Variants in CYP7B1 observed in about 807,000 individuals in gnomAD.
CYP7B1 encodes the protein cytochrome P450 7B1.
In CYP7B1, 29 loss-of-function variants were observed where a neutral mutation model predicts 42.7. The ratio of observed to expected loss-of-function variants is 0.68; its 90% CI spans 0.51 to 0.93. The LOEUF (loss-of-function observed/expected upper bound fraction) is 0.93, where lower values mean the gene tolerates loss of function less well. Among genes scored for constraint, CYP7B1 ranks in the 40% least tolerant of loss-of-function variants. CYP7B1 has a pLI of 0.00. For synonymous variants in CYP7B1, 235 were observed against 218.2 expected, an observed-to-expected ratio of 1.08 and a Z score of -0.68; for missense variants, 655 against 600.5, an observed-to-expected ratio of 1.09 and a Z score of -0.95.
chr8:64,681,503 G>A (rs1337733132), intron 1 of CYP7B1, among the ~76,000 whole-genome samples: 3 of 152,220 alleles, frequency 2.0e-5, no homozygotes, highest in Admixed American at 2.0e-4. Context: ...TAAGGCAGAA[G>A]TGATGGTATG....
rs2129629616 is a variant in CYP7B1 at position 64,592,121 on chromosome 8, G to A, written c.*4521C>T. Among the ~76,000 whole-genome samples, 1 of 152,116 alleles carries A rather than the reference G, an allele frequency of 6.6e-6. No homozygotes were observed. The highest frequency in any genetic ancestry group is 2.1e-4 in the South Asian group (1 of 4,818). ...GGGAATTGCTTGAACCCAGGAAGTGGAGGTTGCAGTGAGCTGAGATCATGC... is the reference window on the plus strand; with the variant it reads ...GGGAATTGCTTGAACCCAGGAAGTGAAGGTTGCAGTGAGCTGAGATCATGC... On this transcript the variant is annotated 3_prime_UTR_variant, in exon 6 of 6. Coordinates refer to ENST00000310193, the MANE Select transcript of CYP7B1 (RefSeq NM_004820.5).
At chr8:64,746,400 A>G (rs182996909) in intron 1 of CYP7B1, among the ~76,000 whole-genome samples, 3 of 152,322 alleles carry the variant, frequency 2.0e-5, no homozygotes, top group Admixed American at 2.0e-4. Flanking sequence ...ATAACGCAAG[A>G]GGCACTGTCA....
At chr8:64,682,897 C>A (rs1237312409) in intron 1 of CYP7B1, among the ~76,000 whole-genome samples, 1 of 152,218 alleles carries the variant, frequency 6.6e-6, no homozygotes, top group Non-Finnish European at 1.5e-5. Flanking sequence ...ATTTTTCTAT[C>A]AAGAATGCTT....
intron 2 of CYP7B1, among the ~76,000 whole-genome samples, chr8:64,618,012 G>A (rs2129630276): frequency 6.8e-6 from 1 of 146,666 alleles, no homozygotes; most frequent in East Asian, 2.0e-4. Context: ...AAAGCTAGAA[G>A]TGGCTATTCA....
chr8:64,792,323 T>C (rs972479317), intron 1 of CYP7B1, among the ~76,000 whole-genome samples: 6 of 152,128 alleles, frequency 3.9e-5, no homozygotes, highest in Non-Finnish European at 8.8e-5. Context: ...AATTGATGAT[T>C]TGGGAAATCG....
chr8:64,798,705 G>T lies in CYP7B1; in HGVS notation c.-118C>A. 8.6e-7 allele frequency: 1 copy of T among 1,164,084 alleles called. No homozygotes were observed. Among genetic ancestry groups the T allele is most frequent in the Non-Finnish European group, 1.1e-6 (1 of 883,930 alleles). 72.1% of individuals were successfully genotyped at this position (1,164,084 alleles called of 1,614,324 possible). On this transcript the variant is annotated 5_prime_UTR_variant, in exon 1 of 6. Coordinates refer to ENST00000310193, the MANE Select transcript of CYP7B1 (RefSeq NM_004820.5). ...GCGCCCCCTAGTCCAGGGCCGGAGA[G>T]GCTGGCCTGCCCGCAGCGCAGACAG...
intron 1 of CYP7B1, among the ~76,000 whole-genome samples, chr8:64,641,733 T>TCACATGACTCTTTGG (rs1338167890): frequency 1.3e-5 from 2 of 152,164 alleles, no homozygotes; most frequent in Non-Finnish European, 1.5e-5. Context: ...CCAAGCTTAG[T>TCACATGACTCTTTGG]CACATGACTC....
chr8:64,727,888 T>G (rs1363662318), intron 1 of CYP7B1: 2 of 152,240 alleles, frequency 1.3e-5, no homozygotes, highest in Non-Finnish European at 1.5e-5. Context: ...ATGGTTAATT[T>G]GAAATATACC....
chr8:64,754,516 A>G (rs1472456750), intron 1 of CYP7B1, among the ~76,000 whole-genome samples: 1 of 152,176 alleles, frequency 6.6e-6, no homozygotes, highest in Non-Finnish European at 1.5e-5. Context: ...AGTAGGGGTC[A>G]AGTCAGAGAC....
At chr8:64,749,522 T>C (rs994788784) in intron 1 of CYP7B1, among the ~76,000 whole-genome samples, 11 of 152,090 alleles carry the variant, frequency 7.2e-5, no homozygotes, top group Admixed American at 6.6e-5. Context: ...CAGAAAGAAA[T>C]AGTGGATTTT....
chr8:64,679,990 T>A (rs1806511421), intron 1 of CYP7B1, among the ~76,000 whole-genome samples: 2 of 152,136 alleles, frequency 1.3e-5, no homozygotes, highest in African/African-American at 2.4e-5. Flanking sequence ...AGGCCCTATG[T>A]TGCAGGGTAT....
At chr8:64,785,667 C>T (rs931709305) in intron 1 of CYP7B1, among the ~76,000 whole-genome samples, 15 of 149,954 alleles carry the variant, frequency 1.0e-4, no homozygotes, top group South Asian at 6.4e-4. Context: ...ACTAGGGAGA[C>T]GGTAAAAAAA....
intron 1 of CYP7B1, among the ~76,000 whole-genome samples, chr8:64,652,767 C>T (rs530890929): frequency 3.9e-4 from 59 of 152,208 alleles, no homozygotes; most frequent in African/African-American, 1.4e-3. Context: ...TGGCGTGAAC[C>T]CGGGAGGCAG....
At position 64,596,726 on chromosome 8, in the gene CYP7B1, G is replaced by A. The variant is rs778661543; in HGVS notation, c.1437C>T (p.Pro479=). ...YFDLEIIDDK[P]IGLNYSRLLF... is the part of the protein sequence containing the mutation. Reference sequence around the variant, plus strand: ...ACAAGCGGCTGTAGTTTAGTCCTATGGGCTTATCATCAATTATTTCTAAAT... The same window carrying A: ...ACAAGCGGCTGTAGTTTAGTCCTATAGGCTTATCATCAATTATTTCTAAAT... The change falls in exon 6 of 6, where the codon CCC becomes CCT. Residue 479 remains proline (P), a synonymous_variant. Coordinates refer to ENST00000310193, the MANE Select transcript of CYP7B1 (RefSeq NM_004820.5). 5 of 1,613,738 alleles carry A rather than the reference G, an allele frequency of 3.1e-6. No individual in the cohort carries two copies. In the East Asian group the frequency reaches 6.7e-5, roughly 22 times the overall value.
intron 1 of CYP7B1, among the ~76,000 whole-genome samples, chr8:64,767,386 C>T (rs565459767): frequency 1.3e-5 from 2 of 152,286 alleles, no homozygotes; most frequent in East Asian, 1.9e-4. Flanking sequence ...AGCCGCAAGG[C>T]GGGACCCTCC....
chr8:64,712,444 C>G (rs1367180664), intron 1 of CYP7B1, among the ~76,000 whole-genome samples: 1 of 151,996 alleles, frequency 6.6e-6, no homozygotes, highest in Non-Finnish European at 1.5e-5. Flanking sequence ...AAGATAAACA[C>G]AGAGTCATCA....
chr8:64,691,204 G>A (rs1420904281), intron 1 of CYP7B1, among the ~76,000 whole-genome samples: 2 of 152,134 alleles, frequency 1.3e-5, no homozygotes, highest in South Asian at 2.1e-4. Context: ...TTACCAAAAC[G>A]TTTAAATTTT....
chr8:64,646,866 C>G (rs1414118833), intron 1 of CYP7B1, among the ~76,000 whole-genome samples: 1 of 152,226 alleles, frequency 6.6e-6, no homozygotes, highest in East Asian at 1.9e-4. Context: ...GCTTCACTTT[C>G]TCACACGTGT....
intron 1 of CYP7B1, among the ~76,000 whole-genome samples, chr8:64,675,940 A>C (rs577030926): frequency 6.6e-6 from 1 of 152,258 alleles, no homozygotes; most frequent in South Asian, 2.1e-4. Context: ...GTCTCTGAGG[A>C]TCAAAATCAC....
Sources: gnomAD v4.1 joint callset for allele counts (sites outside exome capture counted in the v4.1 genomes callset) on GRCh38, gnomAD v4.1.1 for gene constraint, MANE v1.5 for transcripts, NCBI Gene and HGNC (gene_info 2026-07-23, HGNC 2026-07-21) for gene names.